HIVEP3: variants seen among roughly 807,000 people sequenced by gnomAD.
HIVEP3 encodes the protein HIVEP zinc finger 3.
Under a neutral mutation model 152.8 loss-of-function variants are expected in HIVEP3, and 49 were observed. The ratio of observed to expected loss-of-function variants is 0.32; its 90% CI spans 0.26 to 0.41. The LOEUF (loss-of-function observed/expected upper bound fraction) is 0.41. Among genes scored for constraint, HIVEP3 ranks in the 10% least tolerant of loss-of-function variants. HIVEP3 has a pLI of 1.00. For synonymous variants in HIVEP3, 1,269 were observed against 1,289.0 expected (o/e 0.98, Z 0.33); for missense variants, 2,790 against 3,103.3 (o/e 0.90, Z 2.40).
intron 1 of HIVEP3, among the ~76,000 whole-genome samples, chr1:41,836,604 A>C (rs1012730379): frequency 8.5e-5 from 13 of 152,216 alleles, no homozygotes; most frequent in Admixed American, 3.3e-4. Flanking sequence ...GGTCATGTGG[A>C]TTCCCACACT....
intron 3 of HIVEP3, among the ~76,000 whole-genome samples, chr1:41,588,435 C>G (rs1219837189): frequency 6.6e-6 from 1 of 152,096 alleles, no homozygotes; most frequent in East Asian, 1.9e-4. Context: ...CTTAGTCCTG[C>G]CTTCTCCCCT....
intron 1 of HIVEP3, among the ~76,000 whole-genome samples, chr1:41,888,256 G>A (rs1644381699): frequency 8.1e-6 from 1 of 123,010 alleles, no homozygotes. Flanking sequence ...GTTTCAACAT[G>A]TTAGCCAGGA....
chr1:41,876,116 G>GTTTT (rs67320823), intron 1 of HIVEP3, among the ~76,000 whole-genome samples: 3 of 146,630 alleles, frequency 2.0e-5, no homozygotes, highest in Non-Finnish European at 3.0e-5. Context: ...AGAGTGTTAA[G>GTTTT]TTTTTTTTTT....
At chr1:41,781,697 T>C (rs138467302) in intron 1 of HIVEP3, among the ~76,000 whole-genome samples, 2,250 of 152,348 alleles carry the variant, frequency 0.015, 22 homozygotes, top group Non-Finnish European at 0.019. Context: ...CTCTTAATGA[T>C]GGGCCCCATA....
chr1:41,876,348 T>C (rs1373767406), intron 1 of HIVEP3, among the ~76,000 whole-genome samples: 1 of 152,142 alleles, frequency 6.6e-6, no homozygotes, highest in African/African-American at 2.4e-5. Flanking sequence ...CTGCAGGGCC[T>C]GGGTTCAAGT....
intron 5 of HIVEP3, among the ~76,000 whole-genome samples, chr1:41,525,495 G>A (rs1435489257): frequency 6.6e-6 from 1 of 152,200 alleles, no homozygotes; most frequent in African/African-American, 2.4e-5. Flanking sequence ...CCCAAAGCCT[G>A]TCCAGTCTGC....
intron 1 of HIVEP3, among the ~76,000 whole-genome samples, chr1:41,768,464 C>T (rs1240119087): frequency 6.6e-6 from 1 of 152,202 alleles, no homozygotes; most frequent in African/African-American, 2.4e-5. Context: ...ACAGCCGAAC[C>T]ATATCTCCAT....
chr1:41,522,831 G>C (rs1189426711), intron 6 of HIVEP3, among the ~76,000 whole-genome samples: 2 of 152,218 alleles, frequency 1.3e-5, no homozygotes, highest in African/African-American at 4.8e-5. Flanking sequence ...TGAGGCGATG[G>C]GCAGCCCAGG....
Position 41,535,554 on chromosome 1 carries a change from T to C in HIVEP3, c.5208-10644A>G, listed in dbSNP as rs1421138920. 3.9e-5 allele frequency: 6 copies of C among 152,216 alleles called. No individual in the cohort carries two copies. In the South Asian group the frequency reaches 6.2e-4, roughly 16 times the overall value. 9.4% of individuals were successfully genotyped at this position (152,216 alleles called of 1,614,324 possible). A position where few individuals can be genotyped will look rare whatever the true frequency, so the allele number is the denominator to read the frequency against. ...CTGGCAGGGCTGACTTATGGAGTAA[T>C]TTCTCCCAGTGTCTGGAAGCAGCTT... On this transcript the variant is annotated intron_variant, in intron 5 of 8. Transcript: ENST00000372583.
chr1:41,954,970 T>TG (rs1645132410), intron 1 of HIVEP3, among the ~76,000 whole-genome samples: 1 of 151,818 alleles, frequency 6.6e-6, no homozygotes, highest in Non-Finnish European at 1.5e-5. Flanking sequence ...CCAGGTTTTT[T>TG]TTTTTTTTCT....
chr1:41,971,525 G>A (rs1048667048), intron 1 of HIVEP3, among the ~76,000 whole-genome samples: 1 of 152,126 alleles, frequency 6.6e-6, no homozygotes, highest in African/African-American at 2.4e-5. Context: ...ATTTGAGGGT[G>A]CACTGGGAAA....
At chr1:41,536,930 A>T (rs1404782549) in intron 5 of HIVEP3, among the ~76,000 whole-genome samples, 1 of 152,170 alleles carries the variant, frequency 6.6e-6, no homozygotes, top group Non-Finnish European at 1.5e-5. Context: ...ACCTGGCTAC[A>T]AGGTTCATGT....
At chr1:41,966,491 T>TTTTTTTTTTTTTTTTGTTG (rs1645198782) in intron 1 of HIVEP3, among the ~76,000 whole-genome samples, 1 of 144,566 alleles carries the variant, frequency 6.9e-6, no homozygotes, top group African/African-American at 2.6e-5. Context: ...TTTTTTTTTT[T>TTTTTTTTTTTTTTTTGTTG]GAGATGGAGT....
intron 2 of HIVEP3, among the ~76,000 whole-genome samples, chr1:41,649,417 A>G (rs550249598): frequency 5.9e-5 from 9 of 152,368 alleles, no homozygotes; most frequent in African/African-American, 2.2e-4. Context: ...TGTTGCAGTT[A>G]GTCAACAGGC....
chr1:41,639,269 G>T (rs1435078162), intron 2 of HIVEP3, among the ~76,000 whole-genome samples: 1 of 152,240 alleles, frequency 6.6e-6, no homozygotes, highest in African/African-American at 2.4e-5. Context: ...TGGCAAAGGG[G>T]TGGATGGGAG....
chr1:41,534,700 C>A (rs573103983), intron 5 of HIVEP3, among the ~76,000 whole-genome samples: 1 of 152,358 alleles, frequency 6.6e-6, no homozygotes, highest in South Asian at 2.1e-4. Flanking sequence ...CCAGCGAGGC[C>A]TTCTTTCCTG....
intron 1 of HIVEP3, among the ~76,000 whole-genome samples, chr1:41,944,193 A>C (rs1208766249): frequency 6.6e-6 from 1 of 152,238 alleles, no homozygotes; most frequent in Non-Finnish European, 1.5e-5. Flanking sequence ...GTTCTGGAGA[A>C]GGATAGTACC....
At position 41,700,977 on chromosome 1, in the gene HIVEP3, A is replaced by C; in HGVS notation, c.-782T>G. 1 of 985,262 alleles carries C rather than the reference A, an allele frequency of 1.0e-6. No individual in the cohort carries two copies. Among genetic ancestry groups the C allele is most frequent in the Non-Finnish European group, 1.2e-6 (1 of 829,824 alleles). The allele number at this position is 985,262 out of a possible 1,614,324, so 61.0% of individuals were successfully genotyped here. A position where few individuals can be genotyped will look rare whatever the true frequency, so the allele number is the denominator to read the frequency against. On this transcript the variant is annotated 5_prime_UTR_variant, in exon 2 of 9. Coordinates refer to ENST00000372583, the MANE Select transcript of HIVEP3 (RefSeq NM_024503.5). ...TGTCAGAGATTTCTAGAGCTTGGAG[A>C]ACTGTGTTGGAGGGAGGCCTGTGGG...
At chr1:41,512,773 C>A in intron 8 of HIVEP3, 43 bp downstream of exon 8, 1 of 1,424,774 alleles carries the variant, frequency 7.0e-7, no homozygotes, top group Non-Finnish European at 9.3e-7. Flanking sequence ...ACCCCTGCAC[C>A]CACAGGGGAG....
Sources: allele counts gnomAD v4.1 joint callset (sites outside exome capture counted in the v4.1 genomes callset), GRCh38; gene constraint gnomAD v4.1.1; transcripts MANE v1.5; gene names NCBI Gene and HGNC (gene_info 2026-07-23, HGNC 2026-07-21).